SLC7A9: variants seen among roughly 807,000 people sequenced by gnomAD.
The protein encoded by SLC7A9 is B(0,+)-type amino acid transporter 1.
In SLC7A9, 38 loss-of-function variants were observed where a neutral mutation model predicts 54.1. The ratio of observed to expected loss-of-function variants is 0.70; its 90% confidence interval spans 0.54 to 0.92. The LOEUF (loss-of-function observed/expected upper bound fraction) is 0.92, where lower values mean the gene tolerates loss of function less well. SLC7A9 is among the 40% of genes least tolerant of loss of function. The pLI is 0.00. For synonymous variants in SLC7A9, 264 were observed against 258.9 expected (o/e 1.02, Z -0.19); for missense variants, 537 against 636.1 (o/e 0.84, Z 1.68).
rs386388892 is a variant in SLC7A9, at chr19:32,844,857, C to CAAAAAAAAAAAAAAAAAAAAAAAA, written c.978-930_978-907dup. On this transcript the variant is annotated intron_variant, in intron 9 of 12. Coordinates refer to ENST00000023064, the MANE Select transcript of SLC7A9 (RefSeq NM_014270.5). ...TGGACGACAGAGTGAGAATCCATCTCAAAAAAAAAAAAAAAAAAAAAAAAA... is the reference window on the plus strand; with the variant it reads ...TGGACGACAGAGTGAGAATCCATCTCAAAAAAAAAAAAAAAAAAAAAAAAAAAAAAAAAAAAAAAAAAAAAAAAA... 6.3e-4 allele frequency among the ~76,000 whole-genome samples: 19 copies of CAAAAAAAAAAAAAAAAAAAAAAAA among 30,314 alleles called. 2 individuals carry two copies. Among genetic ancestry groups the CAAAAAAAAAAAAAAAAAAAAAAAA allele is most frequent in the Non-Finnish European group, 1.1e-3 (18 of 16,988 alleles). The allele number at this position is 30,314 out of a possible 152,430, so 19.9% of individuals were successfully genotyped here.
At chr19:32,866,960 G>A (rs547010815) in intron 2 of SLC7A9, among the ~76,000 whole-genome samples, 133 of 152,322 alleles carry the variant, frequency 8.7e-4, no homozygotes, top group African/African-American at 3.1e-3. Context: ...AGCACCTGCT[G>A]CTCCCAACTG....
At chr19:32,867,025 C>G (rs1968991933) in intron 2 of SLC7A9, among the ~76,000 whole-genome samples, 1 of 152,216 alleles carries the variant, frequency 6.6e-6, no homozygotes, top group South Asian at 2.1e-4. Flanking sequence ...CCCCCCAGCC[C>G]CAAGCTCCCT....
intron 9 of SLC7A9, among the ~76,000 whole-genome samples, chr19:32,858,100 C>T (rs896832634): frequency 1.3e-5 from 2 of 152,172 alleles, no homozygotes; most frequent in Non-Finnish European, 2.9e-5. Flanking sequence ...TAAAAAGTGC[C>T]ACGTGGAAAA....
intron 11 of SLC7A9, among the ~76,000 whole-genome samples, chr19:32,834,486 C>T (rs977036312): frequency 6.6e-6 from 1 of 151,880 alleles, no homozygotes; most frequent in Non-Finnish European, 1.5e-5. Context: ...AAAAATTAGC[C>T]GGGCGTGATG....
rs779516671 is a variant in SLC7A9 at position 32,862,229 on chromosome 19, C to T, written c.605-12G>A. ...ATTCTTTGTGTTTCCTGTAATGAAG[C>T]CAGACAGTGAACGGCGGGTGTCAAC... On this transcript the variant is annotated splice_polypyrimidine_tract_variant and intron_variant, in intron 5 of 12. Coordinates refer to ENST00000023064, the MANE Select transcript of SLC7A9 (RefSeq NM_014270.5). 1.7e-5 allele frequency: 28 copies of T among 1,605,986 alleles called. No homozygotes were observed. The highest frequency in any genetic ancestry group is 1.7e-4 in the Admixed American group (10 of 59,992).
At chr19:32,851,860 T>C (rs924466286) in intron 9 of SLC7A9, among the ~76,000 whole-genome samples, 4 of 152,190 alleles carry the variant, frequency 2.6e-5, no homozygotes, top group Non-Finnish European at 4.4e-5. Context: ...GATGAGTTCA[T>C]GTCCTTTGTA....
chr19:32,868,032 A>C (rs1455442965), intron 2 of SLC7A9, among the ~76,000 whole-genome samples: 8 of 151,660 alleles, frequency 5.3e-5, no homozygotes, highest in Non-Finnish European at 1.2e-4. Context: ...AGAGTCTGAG[A>C]CCAGCCTGGC....
chr19:32,864,786 GAGGA>G lies in SLC7A9; in HGVS notation c.88-14_88-11del. On this transcript the variant is annotated splice_polypyrimidine_tract_variant and intron_variant, in intron 2 of 12. Transcript: ENST00000023064. ...CACTGATGAGGCCCAGCTGGGTGTGGAGGAAGGAAGAGGGCGTTAGTGCCACGCC... is the reference window on the plus strand; with the variant it reads ...CACTGATGAGGCCCAGCTGGGTGTGGAGGAAGAGGGCGTTAGTGCCACGCC... The G allele has an allele frequency of 6.2e-7, 1 of 1,614,066 alleles. No individual in the cohort carries two copies. The highest frequency in any genetic ancestry group is 8.5e-7 in the Non-Finnish European group (1 of 1,180,016).
rs777188156 is a variant in SLC7A9 at position 32,862,595 on chromosome 19, G to A, written c.479-9C>T. ...CACTGTCGAGATGAACACTGGAAGG[G>A]TGGGGACAGTTTCTGCATTTATGGT... On this transcript the variant is annotated splice_polypyrimidine_tract_variant and intron_variant, in intron 4 of 12. Transcript: ENST00000023064. 6 of 1,613,760 alleles carry A rather than the reference G, an allele frequency of 3.7e-6. No individual in the cohort carries two copies. Among genetic ancestry groups the A allele is most frequent in the African/African-American group, 2.7e-5 (2 of 75,042 alleles).
intron 4 of SLC7A9, chr19:32,862,788 C>T (rs1968845292): frequency 2.5e-6 from 1 of 395,616 alleles, no homozygotes; most frequent in Non-Finnish European, 4.3e-6. Context: ...TCTCCTGCCT[C>T]AGCCTCCTGA....
chr19:32,849,860 T>C (rs893973894), intron 9 of SLC7A9, among the ~76,000 whole-genome samples: 8 of 151,700 alleles, frequency 5.3e-5, no homozygotes, highest in African/African-American at 1.2e-4. Flanking sequence ...ATCCCTGGGA[T>C]GCAAGGCTGG....
chr19:32,840,609 C>T (rs1256016253), intron 11 of SLC7A9, among the ~76,000 whole-genome samples: 1 of 152,152 alleles, frequency 6.6e-6, no homozygotes, highest in African/African-American at 2.4e-5. Context: ...GGCTCCAGCT[C>T]CTTGACCCTG....
chr19:32,831,656 C>T (rs554381295), intron 12 of SLC7A9, among the ~76,000 whole-genome samples: 3 of 152,174 alleles, frequency 2.0e-5, no homozygotes. Context: ...GCTTTCTTTT[C>T]AGAAGCAAAA....
intron 12 of SLC7A9, among the ~76,000 whole-genome samples, chr19:32,831,046 C>G (rs568206137): frequency 4.0e-4 from 61 of 152,066 alleles, no homozygotes; most frequent in African/African-American, 1.5e-3. Context: ...TGCACACAGC[C>G]CAAGTCCTGT....
Position 32,862,100 on chromosome 19 carries a change from C to T in SLC7A9, c.704+18G>A. On this transcript the variant is annotated intron_variant, in intron 6 of 12. Coordinates refer to ENST00000023064, the MANE Select transcript of SLC7A9 (RefSeq NM_014270.5). ...ACCCCACCCACCCCCAGACTCGGGACATCTCAGGACACCTCACCATCCATC... is the reference window on the plus strand; with the variant it reads ...ACCCCACCCACCCCCAGACTCGGGATATCTCAGGACACCTCACCATCCATC... The T allele has an allele frequency of 1.3e-6, 2 of 1,554,876 alleles. No individual in the cohort carries two copies. Among genetic ancestry groups the T allele is most frequent in the East Asian group, 2.2e-5 (1 of 44,614 alleles).
chr19:32,862,129 G>T lies in SLC7A9; in HGVS notation c.693C>A (p.Ala231=). Residue 231 remains alanine (A), a synonymous_variant, in exon 6 of 13, where the codon GCC becomes GCA. Coordinates refer to ENST00000023064, the MANE Select transcript of SLC7A9 (RefSeq NM_014270.5). ...ISLAFYNGLW[A]YDGWNQLNYI... is the part of the protein sequence containing the mutation. ...TCAGGACACCTCACCATCCATCATA[G>T]GCCCAGAGTCCATTGTAAAACGCCA... The T allele has an allele frequency of 6.2e-7, 1 of 1,610,714 alleles. No homozygotes were observed.
At chr19:32,869,227 AAT>A (rs1181102808) in intron 1 of SLC7A9, among the ~76,000 whole-genome samples, 2 of 151,958 alleles carry the variant, frequency 1.3e-5, no homozygotes, top group East Asian at 3.9e-4. Flanking sequence ...TGTTTCAAAA[AAT>A]ATATATATAA....
In SLC7A9 at chr19:32,842,101, TGAAA is replaced by T. The variant is rs1167559140; in HGVS notation, c.1224+63_1224+66del. ...AACTAGAAGGCATGCCCCTAGCATT[TGAAA>T]GAGTTACATCTAATTCATTAAAAAA... is the stretch of plus-strand genomic sequence containing the variant. On this transcript the variant is annotated intron_variant, in intron 11 of 12. Coordinates refer to ENST00000023064, the MANE Select transcript of SLC7A9 (RefSeq NM_014270.5). The T allele has an allele frequency of 4.0e-6, 6 of 1,506,724 alleles. No individual in the cohort carries two copies. In the East Asian group the frequency reaches 1.1e-4, roughly 28 times the overall value. The allele number at this position is 1,506,724 out of a possible 1,614,324, so 93.3% of individuals were successfully genotyped here.
At chr19:32,831,856 T>A (rs1284442743) in intron 12 of SLC7A9, among the ~76,000 whole-genome samples, 2 of 152,218 alleles carry the variant, frequency 1.3e-5, no homozygotes, top group African/African-American at 4.8e-5. Flanking sequence ...TGTCTGCATA[T>A]CAGACAAAGG....
Sources: gnomAD v4.1 joint callset for allele counts (sites outside exome capture counted in the v4.1 genomes callset) on GRCh38, gnomAD v4.1.1 for gene constraint, MANE v1.5 for transcripts, NCBI Gene and HGNC (gene_info 2026-07-23, HGNC 2026-07-21) for gene names.